Variants in LDLRAD4 observed in about 807,000 individuals in gnomAD.
LDLRAD4 encodes the protein low density lipoprotein receptor class A domain containing 4.
A neutral mutation model predicts 17.0 loss-of-function variants in LDLRAD4; 5 were observed. That is an observed-to-expected ratio of 0.29 (90% CI 0.15 to 0.62). The LOEUF is 0.62. Among genes scored for constraint, LDLRAD4 ranks in the 20% least tolerant of loss-of-function variants. The probability of loss-of-function intolerance (pLI) is 0.84; values close to 1 mark genes in which losing one functional copy is unlikely to be tolerated. For synonymous variants in LDLRAD4, 168 were observed against 171.8 expected (o/e 0.98, Z 0.17); for missense variants, 340 against 424.7 (o/e 0.80, Z 1.75).
chr18:13,422,009 A>G (rs747553656), intron 2 of LDLRAD4, among the ~76,000 whole-genome samples: 1 of 152,196 alleles, frequency 6.6e-6, no homozygotes, highest in Non-Finnish European at 1.5e-5. Flanking sequence ...CACACCAGTT[A>G]CGGAACTCCC....
chr18:13,249,697 G>T (rs2043139024), intron 1 of LDLRAD4, among the ~76,000 whole-genome samples: 1 of 151,910 alleles, frequency 6.6e-6, no homozygotes, highest in African/African-American at 2.4e-5. Flanking sequence ...GATTCTGTAG[G>T]TCATGTTTTT....
chr18:13,493,989 C>T (rs572566579), intron 3 of LDLRAD4, among the ~76,000 whole-genome samples: 12 of 152,356 alleles, frequency 7.9e-5, no homozygotes, highest in East Asian at 5.8e-4. Context: ...GACGCGGTGC[C>T]GCAATCCTGC....
intron 3 of LDLRAD4, among the ~76,000 whole-genome samples, chr18:13,619,453 A>G (rs1473207918): frequency 1.5e-5 from 2 of 137,880 alleles, no homozygotes; most frequent in African/African-American, 2.7e-5. Context: ...AGCCCCCAAC[A>G]TGAAAATTGT....
At position 13,390,025 on chromosome 18, in the gene LDLRAD4, T is replaced by C. The variant is rs558167154; in HGVS notation, c.40+2263T>C. Among the ~76,000 whole-genome samples the C allele has an allele frequency of 2.6e-5, 4 of 152,306 alleles. No homozygotes were observed. The East Asian group carries it at 5.8e-4, about 22-fold the overall frequency. On this transcript the variant is annotated intron_variant, in intron 2 of 5. Coordinates refer to ENST00000359446, the Ensembl canonical transcript of LDLRAD4. Reference sequence around the variant, plus strand: ...ATTTATGAATAAAAGCTTTCTATATTGGTAGGTTCCAGTGAGATGTTTTGA... The same window carrying C: ...ATTTATGAATAAAAGCTTTCTATATCGGTAGGTTCCAGTGAGATGTTTTGA...
chr18:13,407,836 G>A (rs1049952332), intron 2 of LDLRAD4, among the ~76,000 whole-genome samples: 22 of 152,160 alleles, frequency 1.4e-4, no homozygotes, highest in Admixed American at 6.5e-4. Context: ...GTCCCACCAC[G>A]TTCCTGAGGG....
rs1159290577 is a variant in LDLRAD4 at position 13,227,423 on chromosome 18, G to A, written c.-467+8435G>A. Among the ~76,000 whole-genome samples, 10 of 152,220 alleles carry A rather than the reference G, an allele frequency of 6.6e-5. No individual in the cohort carries two copies. In the East Asian group the frequency reaches 1.7e-3, roughly 26 times the overall value. The stretch of plus-strand genomic sequence containing the variant: ...TGTGGTTTTGTTCACAGGCACCTGA[G>A]CACATCAGGTGGGGAGACCCTCATG... On this transcript the variant is annotated intron_variant, in intron 1 of 5. Coordinates refer to the LDLRAD4 transcript ENST00000399848.
At chr18:13,478,696 T>G (rs1432742531) in intron 3 of LDLRAD4, among the ~76,000 whole-genome samples, 1 of 152,266 alleles carries the variant, frequency 6.6e-6, no homozygotes, top group Non-Finnish European at 1.5e-5. Context: ...AGATGCCGGT[T>G]CTTCCCAAAT....
intron 1 of LDLRAD4, among the ~76,000 whole-genome samples, chr18:13,315,696 A>G (rs1473706750): frequency 1.3e-5 from 2 of 151,458 alleles, no homozygotes; most frequent in African/African-American, 4.9e-5. Context: ...AGGCAGGAGA[A>G]TGGCTTGAAC....
At chr18:13,529,819 G>T (rs2094100389) in intron 3 of LDLRAD4, among the ~76,000 whole-genome samples, 1 of 152,196 alleles carries the variant, frequency 6.6e-6, no homozygotes, top group South Asian at 2.1e-4. Context: ...CACAGAGTGT[G>T]TCCTCTTGTT....
chr18:13,268,391 G>A (rs2044341805), intron 1 of LDLRAD4, among the ~76,000 whole-genome samples: 1 of 152,186 alleles, frequency 6.6e-6, no homozygotes, highest in African/African-American at 2.4e-5. Context: ...GCACATCTGA[G>A]CATGCTACTG....
intron 2 of LDLRAD4, among the ~76,000 whole-genome samples, chr18:13,390,636 T>G (rs118124576): frequency 0.012 from 1,871 of 151,602 alleles, 17 homozygotes; most frequent in Non-Finnish European, 0.018. Flanking sequence ...GAGGCCAGGG[T>G]GCTTGAGGGG....
chr18:13,496,882 C>T (rs965805189), intron 3 of LDLRAD4, among the ~76,000 whole-genome samples: 1 of 152,242 alleles, frequency 6.6e-6, no homozygotes, highest in Non-Finnish European at 1.5e-5. Context: ...CGAACCTGGG[C>T]ACCCCAGTGG....
At chr18:13,405,966 C>A (rs1006523284) in intron 2 of LDLRAD4, among the ~76,000 whole-genome samples, 1 of 152,234 alleles carries the variant, frequency 6.6e-6, no homozygotes, top group Non-Finnish European at 1.5e-5. Flanking sequence ...AAGTCCGTTT[C>A]TTTAAACTCA....
At chr18:13,326,405 A>T (rs963804958) in intron 1 of LDLRAD4, among the ~76,000 whole-genome samples, 1 of 152,158 alleles carries the variant, frequency 6.6e-6, no homozygotes, top group Non-Finnish European at 1.5e-5. Flanking sequence ...AGGAAGAATC[A>T]ATTATGCAGA....
At chr18:13,537,689 T>C (rs1568312504) in intron 3 of LDLRAD4, among the ~76,000 whole-genome samples, 1 of 152,210 alleles carries the variant, frequency 6.6e-6, no homozygotes, top group South Asian at 2.1e-4. Flanking sequence ...ACCACCATTA[T>C]AAATGTGGTC....
intron 4 of LDLRAD4, among the ~76,000 whole-genome samples, chr18:13,623,410 G>A (rs984600018): frequency 1.3e-5 from 2 of 152,224 alleles, no homozygotes; most frequent in Non-Finnish European, 2.9e-5. Context: ...TGAGAGCTCC[G>A]TTCTGGAGCT....
At chr18:13,369,379 G>A (rs929657990) in intron 1 of LDLRAD4, among the ~76,000 whole-genome samples, 1 of 152,368 alleles carries the variant, frequency 6.6e-6, no homozygotes, top group East Asian at 1.9e-4. Flanking sequence ...GAGGGCATGC[G>A]TGTGGGGAGC....
rs116049699 is a variant in LDLRAD4, at chr18:13,592,894, G to A, written c.182-28223G>A. Among the ~76,000 whole-genome samples, 555 of 152,336 alleles carry A rather than the reference G, an allele frequency of 3.6e-3. 3 individuals carry two copies. Among genetic ancestry groups the A allele is most frequent in the African/African-American group, 0.013 (535 of 41,574 alleles). The stretch of plus-strand genomic sequence containing the variant: ...CAATTCAGTTTCAAGCAATTCTTAA[G>A]CATTTAGTATCTGATTCTCACTTTT... On this transcript the variant is annotated intron_variant, in intron 3 of 5. Transcript: ENST00000359446.
At chr18:13,338,075 C>G (rs892799090) in intron 1 of LDLRAD4, among the ~76,000 whole-genome samples, 5 of 152,112 alleles carry the variant, frequency 3.3e-5, no homozygotes, top group Non-Finnish European at 5.9e-5. Context: ...TCAAGTTACC[C>G]CTTTTCCCTT....
Sources: gnomAD v4.1 joint callset for allele counts (sites outside exome capture counted in the v4.1 genomes callset) on GRCh38, gnomAD v4.1.1 for gene constraint, MANE v1.5 for transcripts, NCBI Gene and HGNC (gene_info 2026-07-23, HGNC 2026-07-21) for gene names.